The following PYY variants were observed in gnomAD, a reference collection of about 807,000 sequenced individuals.
PYY encodes peptide tyrosine tyrosine.
A neutral mutation model predicts 10.3 loss-of-function variants in PYY; 12 were observed. The ratio of observed to expected loss-of-function variants is 1.17; its 90% CI spans 0.75 to 1.89. PYY has a LOEUF of 1.89. Among genes scored for constraint, PYY ranks in the 40% most tolerant of loss-of-function variants. The pLI, the probability that PYY is intolerant of heterozygous loss-of-function variation, is 0.00. For missense variants in PYY, 141 were observed against 134.0 expected (o/e 1.05, Z -0.26); for synonymous variants, 66 against 62.0 (o/e 1.06, Z -0.30).
upstream of PYY, among the ~76,000 whole-genome samples, chr17:43,957,614 G>C (rs1394009512): frequency 6.6e-6 from 1 of 152,206 alleles, no homozygotes; most frequent in Admixed American, 6.5e-5. Flanking sequence ...CCGAGATGGT[G>C]CCACTGCACT....
rs1555616359 is a variant in PYY at position 43,953,871 on chromosome 17, C to CGAGCAGGAGGTGGAA, written c.-37_-23dup. 2 of 169,782 alleles carry CGAGCAGGAGGTGGAA rather than the reference C, an allele frequency of 1.2e-5. No individual in the cohort carries two copies. The highest frequency in any genetic ancestry group is 2.5e-5 in the Non-Finnish European group (2 of 78,588). 10.5% of individuals were successfully genotyped at this position (169,782 alleles called of 1,614,324 possible). On this transcript the variant is annotated 5_prime_UTR_variant, in exon 1 of 4. Coordinates refer to ENST00000692052, the MANE Select transcript of PYY (RefSeq NM_001394028.1). ...TCACAGCGATAGCTTGTGAAGCAGA[C>CGAGCAGGAGGTGGAA]GAGCAGGAGGTGGAAGGCGAGGGAA...
upstream of PYY, among the ~76,000 whole-genome samples, chr17:43,958,895 A>G (rs1439491995): frequency 1.3e-5 from 2 of 152,122 alleles, no homozygotes. Flanking sequence ...ATGAGTGCAT[A>G]AAGAATTGTT....
chr17:43,965,789 C>CAAAA (rs67609128), intron 2 of PYY, among the ~76,000 whole-genome samples: 1,330 of 31,862 alleles, frequency 0.042, 200 homozygotes, highest in East Asian at 0.4. Flanking sequence ...ATCCATCTCA[C>CAAAA]AAAAAAAAAA....
At chr17:43,984,630 G>A (rs1227371522) in intron 1 of PYY, among the ~76,000 whole-genome samples, 2 of 152,192 alleles carry the variant, frequency 1.3e-5, no homozygotes, top group Non-Finnish European at 2.9e-5. Context: ...TGAACCCAGA[G>A]TCTGCACTTG....
At chr17:43,994,165 T>A (rs538249248) in intron 1 of PYY, among the ~76,000 whole-genome samples, 11 of 151,960 alleles carry the variant, frequency 7.2e-5, no homozygotes, top group African/African-American at 2.4e-4. Flanking sequence ...GAAAAAAAAA[T>A]TTTAAAAAAA....
At chr17:43,976,887 G>T (rs546316350) in intron 1 of PYY, among the ~76,000 whole-genome samples, 2 of 152,098 alleles carry the variant, frequency 1.3e-5, no homozygotes, top group African/African-American at 2.4e-5. Context: ...TCTGATCTTT[G>T]TGCACCAGTG....
At chr17:43,972,895 A>G (rs1015447962) in intron 1 of PYY, among the ~76,000 whole-genome samples, 5 of 151,904 alleles carry the variant, frequency 3.3e-5, no homozygotes, top group African/African-American at 1.2e-4. Flanking sequence ...TTGTATTTTT[A>G]GTAGAGACGG....
At chr17:44,002,706 G>A (rs2049037058) in intron 1 of PYY, among the ~76,000 whole-genome samples, 1 of 152,220 alleles carries the variant, frequency 6.6e-6, no homozygotes, top group African/African-American at 2.4e-5. Flanking sequence ...CACGGCTTGT[G>A]AGCTGAGTGA....
intron 1 of PYY, among the ~76,000 whole-genome samples, chr17:43,995,667 C>G (rs1399446239): frequency 1.3e-5 from 2 of 151,650 alleles, no homozygotes; most frequent in Non-Finnish European, 2.9e-5. Flanking sequence ...AACCCCGTCT[C>G]TACTAAAAAT....
intron 1 of PYY, among the ~76,000 whole-genome samples, chr17:44,001,416 G>A (rs901745470): frequency 4.6e-5 from 7 of 152,160 alleles, no homozygotes; most frequent in African/African-American, 1.4e-4. Flanking sequence ...AAAAATGTGA[G>A]CTGGACCCAT....
At chr17:43,954,890 G>A (rs2048661770), upstream of PYY, among the ~76,000 whole-genome samples, 1 of 152,202 alleles carries the variant, frequency 6.6e-6, no homozygotes, top group Admixed American at 6.5e-5. Flanking sequence ...CATAATTTCG[G>A]GCATCACAAG....
At chr17:43,965,789 CAAAAAAAAAAAAAAAAA>C (rs67609128) in intron 2 of PYY, among the ~76,000 whole-genome samples, 1 of 31,924 alleles carries the variant, frequency 3.1e-5, no homozygotes, top group Non-Finnish European at 5.6e-5. Context: ...ATCCATCTCA[CAAAAAAAAAAAAAAAAA>C]AAAAAAAAAA....
At chr17:43,970,391 C>A (rs1044524193) in intron 1 of PYY, among the ~76,000 whole-genome samples, 5 of 151,792 alleles carry the variant, frequency 3.3e-5, no homozygotes, top group African/African-American at 1.2e-4. Flanking sequence ...CCTGTAATCC[C>A]AGCTACTCAA....
At chr17:43,990,880 G>A (rs899196174) in intron 1 of PYY, among the ~76,000 whole-genome samples, 9 of 146,344 alleles carry the variant, frequency 6.1e-5, no homozygotes, top group East Asian at 4.1e-4. Flanking sequence ...TGCAAGCTTC[G>A]CCTCCCGGGT....
chr17:43,990,759 G>A (rs915629028), intron 1 of PYY, among the ~76,000 whole-genome samples: 6 of 148,610 alleles, frequency 4.0e-5, no homozygotes, highest in South Asian at 2.1e-4. Context: ...AGATGATTAC[G>A]AAATTTATGA....
upstream of PYY, among the ~76,000 whole-genome samples, chr17:43,955,771 CA>C (rs1371522630): frequency 6.6e-6 from 1 of 152,032 alleles, no homozygotes; most frequent in Non-Finnish European, 1.5e-5. Flanking sequence ...GGAGGGGAGA[CA>C]GCAGAAATCA....
intron 1 of PYY, among the ~76,000 whole-genome samples, chr17:43,984,159 G>T (rs965636906): frequency 6.6e-6 from 1 of 152,236 alleles, no homozygotes; most frequent in Non-Finnish European, 1.5e-5. Context: ...CGCTGTTAGG[G>T]GGGGCGCCAG....
intron 1 of PYY, among the ~76,000 whole-genome samples, chr17:43,967,758 G>A (rs1002638351): frequency 3.9e-5 from 6 of 152,054 alleles, no homozygotes; most frequent in South Asian, 2.1e-4. Flanking sequence ...TAAACACAGC[G>A]GGGAAACGGG....
chr17:43,956,199 C>A (rs1168731049), upstream of PYY, among the ~76,000 whole-genome samples: 1 of 151,950 alleles, frequency 6.6e-6, no homozygotes, highest in African/African-American at 2.4e-5. Flanking sequence ...TCATTTATAG[C>A]CAAAGTAAAT....
Sources: gnomAD v4.1 joint callset for allele counts (sites outside exome capture counted in the v4.1 genomes callset) on GRCh38, gnomAD v4.1.1 for gene constraint, MANE v1.5 for transcripts, NCBI Gene and HGNC (gene_info 2026-07-23, HGNC 2026-07-21) for gene names.